Variants in GAS2L2 observed in about 807,000 individuals in gnomAD.
GAS2L2 encodes the protein growth arrest specific 2 like 2, also known as GAS2-like protein 2.
A neutral mutation model predicts 35.2 loss-of-function variants in GAS2L2; 21 were observed. That is an observed-to-expected ratio of 0.60 (90% CI 0.42 to 0.86). The LOEUF is 0.86. GAS2L2 is among the 40% of genes least tolerant of loss of function. The pLI is 0.00. For synonymous variants in GAS2L2, 490 were observed against 473.2 expected, an observed-to-expected ratio of 1.04 and a Z score of -0.46; for missense variants, 1,169 against 1,144.4, an observed-to-expected ratio of 1.02 and a Z score of -0.31.
intron 2 of GAS2L2, among the ~76,000 whole-genome samples, 181 bp downstream of exon 2, chr17:35,749,896 G>A (rs888382775): frequency 2.6e-5 from 4 of 152,116 alleles, no homozygotes; most frequent in African/African-American, 9.7e-5. Flanking sequence ...TAATTACTAC[G>A]CGTGGTTAGG....
At chr17:35,750,355 G>A (rs782750070) in intron 1 of GAS2L2, 37 bp from the exon 2 acceptor site, 2 of 1,613,444 alleles carry the variant, frequency 1.2e-6, no homozygotes, top group African/African-American at 2.7e-5. Flanking sequence ...CAGAGGCAGC[G>A]TGAGCCCCCA....
chr17:35,747,096 G>T lies in GAS2L2; in HGVS notation c.1005C>A (p.Pro335=), dbSNP rs782365896. 1 of 1,612,154 alleles carries T rather than the reference G, an allele frequency of 6.2e-7. No homozygotes were observed. Among genetic ancestry groups the T allele is most frequent in the Non-Finnish European group, 8.5e-7 (1 of 1,178,946 alleles). Residue 335 remains proline (P), a synonymous_variant, in exon 5 of 6, where the codon CCC becomes CCA. Coordinates refer to ENST00000604641, the MANE Select transcript of GAS2L2 (RefSeq NM_139285.4). ...GGGGTCTGGGGGAGGATGGGGTGGGGGGCCTCAGCCTTCGGTCTGAAGAGG... is the reference window on the plus strand; with the variant it reads ...GGGGTCTGGGGGAGGATGGGGTGGGTGGCCTCAGCCTTCGGTCTGAAGAGG... ...TYTSSDRRLR[P]PTPSSPRPRR... is the part of the protein sequence containing the mutation.
rs1348233649 is a variant in GAS2L2 at position 35,744,915 on chromosome 17, C to A, written c.2582G>T (p.Gly861Val). ...PLESSPQPPE[G>V]LQPHWLNQAP... ...TTGATTAAGCCAGTGAGGTTGCAGG[C>A]CCTCTGGAGGTTGGGGGCTGCTCTC... The change falls in exon 6 of 6, where the codon GGC becomes GTC. Residue 861 changes from glycine to valine, a missense_variant. By Grantham distance (109) the Gly-to-Val change is moderately radical. Coordinates refer to ENST00000604641, the MANE Select transcript of GAS2L2 (RefSeq NM_139285.4). The A allele has an allele frequency of 1.9e-6, 3 of 1,612,660 alleles. No homozygotes were observed. In the African/African-American group the frequency reaches 4.0e-5, roughly 22 times the overall value.
rs117559122 is a variant in GAS2L2, at chr17:35,750,440, C to T, written c.386-122G>A. 62,164 of 1,342,456 alleles carry T rather than the reference C, an allele frequency of 0.046. 1,736 individuals carry two copies. Among genetic ancestry groups the T allele is most frequent in the Admixed American group, 0.09 (4,209 of 46,646 alleles). The allele number at this position is 1,342,456 out of a possible 1,614,324, so 83.2% of individuals were successfully genotyped here. A position where few individuals can be genotyped will look rare whatever the true frequency, so the allele number is the denominator to read the frequency against. On this transcript the variant is annotated intron_variant, in intron 1 of 5. Coordinates refer to ENST00000604641, the MANE Select transcript of GAS2L2 (RefSeq NM_139285.4). The stretch of plus-strand genomic sequence containing the variant: ...GTCATCCCCGGTCTGGGGCAGCAGA[C>T]ATGGGGAGTGGTTTGGGTCTCAGAA...
chr17:35,746,501 C>T, intron 5 of GAS2L2, 90 bp from the exon 6 acceptor site: 1 of 849,186 alleles, frequency 1.2e-6, no homozygotes. Flanking sequence ...AAGTGACAGT[C>T]TTTCCCCAGT....
chr17:35,745,511 G>A lies in GAS2L2; in HGVS notation c.1986C>T (p.Ser662=), dbSNP rs200136536. The change falls in exon 6 of 6, where the codon TCC becomes TCT. Residue 662 remains serine (S), a synonymous_variant. Coordinates refer to ENST00000604641, the MANE Select transcript of GAS2L2 (RefSeq NM_139285.4). ...CCAGGTCCACTTTAAGGAGGGATGG[G>A]GACCCCTGAGCCAGTTCTTGGATGG... The part of the protein sequence containing the change: ...DKAIQELAQG[S]PSLLKVDLEA... The A allele has an allele frequency of 1.2e-6, 2 of 1,609,448 alleles. No individual in the cohort carries two copies.
At chr17:35,751,198 A>G (rs56077005) in intron 1 of GAS2L2, among the ~76,000 whole-genome samples, 3,237 of 152,146 alleles carry the variant, frequency 0.021, 74 homozygotes, top group East Asian at 0.12. Context: ...AGCATGATGG[A>G]GCCCCTCCCT....
rs781953539 is a variant in GAS2L2, at chr17:35,745,156, G to A, written c.2341C>T (p.Arg781Trp). ...IYKLKLRPRI[R>W]PRRDHRPEKQ... ...TCAGGCCTGTGGTCTCTCCGGGGCC[G>A]AATCCTGGGTCTCAGCTTCAGCTTG... The change falls in exon 6 of 6, where the codon CGG becomes TGG. Residue 781 changes from arginine to tryptophan, a missense_variant. Arg to Trp is a moderately radical substitution (Grantham distance 101). Around this residue, in one of 3 missense-constraint regions of GAS2L2, gnomAD observed 1,035 missense variants for 976.5 expected, o/e 1.06. Coordinates refer to ENST00000604641, the MANE Select transcript of GAS2L2 (RefSeq NM_139285.4). 9.3e-6 allele frequency: 15 copies of A among 1,612,602 alleles called. No homozygotes were observed. Among genetic ancestry groups the A allele is most frequent in the South Asian group, 7.7e-5 (7 of 91,040 alleles).
chr17:35,752,610 C>G lies in GAS2L2; in HGVS notation c.241G>C (p.Ala81Pro). 6.2e-7 allele frequency: 1 copy of G among 1,613,636 alleles called. No homozygotes were observed. The highest frequency in any genetic ancestry group is 8.5e-7 in the Non-Finnish European group (1 of 1,179,560). The stretch of plus-strand genomic sequence containing the variant: ...TTCTGGGCTTGGGCAGGTGCCTCAG[C>G]CAGGAAGGCCAGGGCAGCGTCAGTG... ...VVTDAALAFLAEAPAQAQKIP... is the reference protein window; with the variant it reads ...VVTDAALAFLPEAPAQAQKIP... The change falls in exon 1 of 6, where the codon GCT (alanine) becomes CCT (proline). Residue 81 changes from alanine (A) to proline (P), a missense_variant. Physicochemically the swap from Ala to Pro is conservative, Grantham distance 27. This residue lies in a region of GAS2L2 where 127 missense variants were observed against 146.1 expected (regional missense o/e 0.87). Transcript: ENST00000604641.
chr17:35,752,331 AAAG>A (rs2085708668), intron 1 of GAS2L2, 132 bp downstream of exon 1: 2 of 775,728 alleles, frequency 2.6e-6, no homozygotes, highest in African/African-American at 1.7e-5. Flanking sequence ...AGGCATGAAA[AAAG>A]AGCTGGTTCA....
intron 1 of GAS2L2, among the ~76,000 whole-genome samples, chr17:35,751,833 C>CCT (rs1220248458): frequency 5.5e-4 from 80 of 146,640 alleles, no homozygotes; most frequent in Admixed American, 8.9e-4. Context: ...TATCCCTCTA[C>CCT]CTCTCTCTCT....
chr17:35,747,357 C>T, intron 4 of GAS2L2, 89 bp from the exon 5 acceptor site: 1 of 1,404,280 alleles, frequency 7.1e-7, no homozygotes, highest in Non-Finnish European at 9.6e-7. Flanking sequence ...TGGTCCCATG[C>T]CCCGCATCCC....
At position 35,752,811 on chromosome 17, in the gene GAS2L2, G is replaced by C; in HGVS notation, c.40C>G (p.Leu14Val). ...CGGATACTGCACACAGGCGGCCCTA[G>C]GGTCCTGGGCTTCCTCCTGCCTCCC... ...PAGGRRKPRT[L>V]GPPVCSIRPF... The change falls in exon 1 of 6, where the codon CTA becomes GTA. Residue 14 changes from leucine to valine, a missense_variant. By Grantham distance (32) the Leu-to-Val change is conservative. Coordinates refer to ENST00000604641, the MANE Select transcript of GAS2L2 (RefSeq NM_139285.4). The C allele has an allele frequency of 6.2e-7, 1 of 1,609,860 alleles. No individual in the cohort carries two copies. The highest frequency in any genetic ancestry group is 8.5e-7 in the Non-Finnish European group (1 of 1,177,254).
chr17:35,748,394 T>C (rs2085682777), intron 3 of GAS2L2, among the ~76,000 whole-genome samples: 1 of 152,208 alleles, frequency 6.6e-6, no homozygotes, highest in Non-Finnish European at 1.5e-5. Flanking sequence ...GGCCACAGGT[T>C]CTTGCCCCTA....
chr17:35,752,226 G>A (rs2085707980), intron 1 of GAS2L2, among the ~76,000 whole-genome samples: 3 of 152,160 alleles, frequency 2.0e-5, no homozygotes, highest in South Asian at 2.1e-4. Flanking sequence ...CAGAAGAGGT[G>A]CTTGATATAT....
At chr17:35,751,446 T>C (rs1555599755) in intron 1 of GAS2L2, among the ~76,000 whole-genome samples, 2 of 152,060 alleles carry the variant, frequency 1.3e-5, no homozygotes. Context: ...GGCGGGCGGA[T>C]CACTTTAGGT....
chr17:35,750,913 T>G (rs923233873), intron 1 of GAS2L2, among the ~76,000 whole-genome samples: 2 of 152,196 alleles, frequency 1.3e-5, no homozygotes, highest in African/African-American at 4.8e-5. Flanking sequence ...TTCGTGGGGT[T>G]GTTGTGAAGA....
intron 4 of GAS2L2, 117 bp from the exon 5 acceptor site, chr17:35,747,385 A>C (rs1291583465): frequency 1.6e-6 from 2 of 1,218,032 alleles, no homozygotes; most frequent in Non-Finnish European, 2.3e-6. Flanking sequence ...AAACAGTGGG[A>C]CCTACAGTGG....
intron 1 of GAS2L2, 137 bp from the exon 2 acceptor site, chr17:35,750,455 G>T: frequency 1.6e-6 from 2 of 1,231,318 alleles, no homozygotes; most frequent in East Asian, 2.4e-5. Context: ...GGAGTGGTTT[G>T]GGTCTCAGAA....
Sources: allele counts gnomAD v4.1 joint callset (sites outside exome capture counted in the v4.1 genomes callset), GRCh38; gene constraint gnomAD v4.1.1; regional missense constraint gnomAD v4.1.1; transcripts MANE v1.5; gene names NCBI Gene and HGNC (gene_info 2026-07-23, HGNC 2026-07-21).